Variants in WDR72 observed in about 807,000 individuals in gnomAD.
The protein encoded by WDR72 is WD repeat-containing protein 72.
Under a neutral mutation model 124.2 loss-of-function variants are expected in WDR72, and 120 were observed. The ratio of observed to expected loss-of-function variants is 0.97; its 90% confidence interval spans 0.83 to 1.12. The LOEUF is 1.12. Ranked by LOEUF, WDR72 falls within the 50% of genes most tolerant of loss-of-function variation. The pLI is 0.00. For synonymous variants in WDR72, 452 were observed against 441.7 expected, an observed-to-expected ratio of 1.02 and a Z score of -0.29; for missense variants, 1,387 against 1,278.8, an observed-to-expected ratio of 1.08 and a Z score of -1.29.
At chr15:53,708,068 C>T (rs2140538365) in intron 9 of WDR72, among the ~76,000 whole-genome samples, 1 of 152,306 alleles carries the variant, frequency 6.6e-6, no homozygotes, top group African/African-American at 2.4e-5. Context: ...CTCACACTCA[C>T]CGCTTGGTCC....
intron 1 of WDR72, among the ~76,000 whole-genome samples, chr15:53,741,442 A>G (rs2018506755): frequency 6.6e-6 from 1 of 152,212 alleles, no homozygotes; most frequent in Admixed American, 6.5e-5. Context: ...ACGTACTTCC[A>G]GGGCTGCTTT....
At chr15:53,529,180 T>C (rs1193877617) in intron 18 of WDR72, among the ~76,000 whole-genome samples, 1 of 135,442 alleles carries the variant, frequency 7.4e-6, no homozygotes, top group Non-Finnish European at 1.5e-5. Context: ...TTTTTTTTTT[T>C]TAAAAGAATA....
At chr15:53,530,922 T>C (rs1472484025) in intron 18 of WDR72, among the ~76,000 whole-genome samples, 1 of 151,986 alleles carries the variant, frequency 6.6e-6, no homozygotes, top group Non-Finnish European at 1.5e-5. Flanking sequence ...ACACCATCAG[T>C]GTGGGGAGAA....
chr15:53,665,467 T>C, intron 14 of WDR72, 105 bp downstream of exon 14: 1 of 1,294,996 alleles, frequency 7.7e-7, no homozygotes, highest in African/African-American at 1.5e-5. Context: ...GTCTCTTAGT[T>C]CTTGTTTTCA....
At chr15:53,575,990 T>C (rs1352505424) in intron 18 of WDR72, among the ~76,000 whole-genome samples, 1 of 152,096 alleles carries the variant, frequency 6.6e-6, no homozygotes, top group African/African-American at 2.4e-5. Flanking sequence ...CTTTGATTCA[T>C]CTACCAAACT....
chr15:53,643,232 A>G (rs2014918618), intron 14 of WDR72, among the ~76,000 whole-genome samples: 1 of 152,158 alleles, frequency 6.6e-6, no homozygotes, highest in South Asian at 2.1e-4. Flanking sequence ...TATTGACTTA[A>G]GAATTCCTTG....
intron 14 of WDR72, among the ~76,000 whole-genome samples, chr15:53,643,652 T>C (rs1472634237): frequency 1.3e-5 from 2 of 152,040 alleles, no homozygotes; most frequent in Non-Finnish European, 2.9e-5. Flanking sequence ...CTTTTCTAAC[T>C]CCTCACACAC....
upstream of WDR72, among the ~76,000 whole-genome samples, chr15:53,761,415 C>T (rs1482282447): frequency 6.6e-6 from 1 of 152,102 alleles, no homozygotes; most frequent in Admixed American, 6.5e-5. Context: ...TTGAAGCTTC[C>T]TCAAAAAAAT....
At chr15:53,614,978 CAA>C (rs760915096) in intron 15 of WDR72, among the ~76,000 whole-genome samples, 104 of 152,044 alleles carry the variant, frequency 6.8e-4, no homozygotes, top group Admixed American at 1.1e-3. Flanking sequence ...ATGAAATTTT[CAA>C]AGTTTTCCTT....
intron 18 of WDR72, among the ~76,000 whole-genome samples, chr15:53,528,837 T>C (rs1258016250): frequency 6.6e-6 from 1 of 152,000 alleles, no homozygotes; most frequent in Admixed American, 6.6e-5. Context: ...TAAACATTGC[T>C]GTATTCCTCT....
intron 14 of WDR72, among the ~76,000 whole-genome samples, chr15:53,643,864 C>A (rs1167559243): frequency 6.6e-6 from 1 of 151,966 alleles, no homozygotes; most frequent in African/African-American, 2.4e-5. Flanking sequence ...TTCATAGAAT[C>A]ACAATATCAT....
intron 6 of WDR72, 22 bp downstream of exon 6, chr15:53,714,412 A>G (rs1411679746): frequency 3.8e-6 from 6 of 1,598,858 alleles, no homozygotes; most frequent in Non-Finnish European, 5.1e-6. Context: ...TAAGGAAAAA[A>G]GAGTAGGGTT....
At chr15:53,682,436 G>C (rs2016424729) in intron 13 of WDR72, among the ~76,000 whole-genome samples, 1 of 152,146 alleles carries the variant, frequency 6.6e-6, no homozygotes, top group Admixed American at 6.5e-5. Flanking sequence ...CCTCTCTTCA[G>C]TGATGCAGTA....
At position 53,547,562 on chromosome 15, in the gene WDR72, C is replaced by G. The variant is rs114330887; in HGVS notation, c.3149-24240G>C. Among the ~76,000 whole-genome samples the G allele has an allele frequency of 1.9e-3, 293 of 152,204 alleles. 3 individuals are homozygous for G. The highest frequency in any genetic ancestry group is 6.9e-3 in the African/African-American group (285 of 41,520). On this transcript the variant is annotated intron_variant, in intron 18 of 19. Transcript: ENST00000360509. ...CATCAGGTCTCAGTGGTTGTAAGAG[C>G]TAAATATTTACACAAAGGATGCTCA...
At chr15:53,674,191 A>T (rs2016087199) in intron 13 of WDR72, among the ~76,000 whole-genome samples, 1 of 152,180 alleles carries the variant, frequency 6.6e-6, no homozygotes, top group African/African-American at 2.4e-5. Flanking sequence ...TTAAGAGGAC[A>T]ATATTTCAAA....
intron 1 of WDR72, among the ~76,000 whole-genome samples, chr15:53,734,178 A>G (rs953885300): frequency 6.6e-6 from 1 of 152,230 alleles, no homozygotes; most frequent in African/African-American, 2.4e-5. Context: ...AAATATATAC[A>G]TAAACATGGG....
intron 18 of WDR72, among the ~76,000 whole-genome samples, chr15:53,578,737 T>G (rs2011754595): frequency 6.7e-6 from 1 of 149,880 alleles, no homozygotes; most frequent in South Asian, 2.1e-4. Context: ...AAATAAAACT[T>G]AAAACAAACA....
intron 18 of WDR72, among the ~76,000 whole-genome samples, chr15:53,557,645 A>G (rs1893980011): frequency 6.6e-6 from 1 of 152,038 alleles, no homozygotes; most frequent in Non-Finnish European, 1.5e-5. Flanking sequence ...GCTGAGGTCA[A>G]GAGAGATCAG....
At chr15:53,723,734 T>C (rs1460819310) in intron 2 of WDR72, among the ~76,000 whole-genome samples, 3 of 152,334 alleles carry the variant, frequency 2.0e-5, no homozygotes, top group East Asian at 1.9e-4. Flanking sequence ...ATCTTTCATA[T>C]CCTTTAAATC....
Sources: gnomAD v4.1 joint callset for allele counts (sites outside exome capture counted in the v4.1 genomes callset) on GRCh38, gnomAD v4.1.1 for gene constraint, MANE v1.5 for transcripts, NCBI Gene and HGNC (gene_info 2026-07-23, HGNC 2026-07-21) for gene names.